Variants in GRIK2 observed in about 807,000 individuals in gnomAD.
GRIK2 encodes glutamate receptor ionotropic, kainate 2.
In GRIK2, 32 loss-of-function variants were observed where a neutral mutation model predicts 100.3. The observed-to-expected ratio is 0.32, with a 90% confidence interval of 0.24 to 0.43. The LOEUF (loss-of-function observed/expected upper bound fraction) is 0.43, where lower values mean the gene tolerates loss of function less well. GRIK2 is among the 20% of genes least tolerant of loss of function. The probability of loss-of-function intolerance (pLI) is 1.00; values close to 1 mark genes in which losing one functional copy is unlikely to be tolerated. For missense variants in GRIK2, 843 were observed against 1,114.9 expected, an observed-to-expected ratio of 0.76 and a Z score of 3.47; for synonymous variants, 417 against 389.4, an observed-to-expected ratio of 1.07 and a Z score of -0.83.
chr6:101,884,509 G>A (rs1786481644), intron 11 of GRIK2, among the ~76,000 whole-genome samples: 2 of 152,060 alleles, frequency 1.3e-5, no homozygotes, highest in South Asian at 2.1e-4. Context: ...TGGAGTCATT[G>A]TGCCATTCAT....
chr6:101,771,506 T>A (rs1051286710), intron 7 of GRIK2, among the ~76,000 whole-genome samples: 4 of 151,396 alleles, frequency 2.6e-5, no homozygotes, highest in Admixed American at 6.6e-5. Context: ...ATTTTTATTT[T>A]GTTTTATTTT....
intron 7 of GRIK2, among the ~76,000 whole-genome samples, chr6:101,796,379 A>G (rs991278457): frequency 6.6e-6 from 1 of 152,218 alleles, no homozygotes; most frequent in Non-Finnish European, 1.5e-5. Context: ...TTTTGTGAGC[A>G]TTCTTGTGAG....
chr6:101,502,543 G>C, intron 2 of GRIK2, among the ~76,000 whole-genome samples: 1 of 152,022 alleles, frequency 6.6e-6, no homozygotes, highest in East Asian at 1.9e-4. Context: ...ATTACATTAT[G>C]TAAAAGTATA....
intron 14 of GRIK2, among the ~76,000 whole-genome samples, chr6:101,956,182 C>A (rs1361883454): frequency 2.6e-5 from 4 of 151,920 alleles, no homozygotes; most frequent in Non-Finnish European, 5.9e-5. Flanking sequence ...TTCCATAAAT[C>A]TATTTCTTTC....
chr6:101,435,126 C>G (rs2128244374), intron 2 of GRIK2, among the ~76,000 whole-genome samples: 1 of 152,196 alleles, frequency 6.6e-6, no homozygotes, highest in Middle Eastern at 3.4e-3. Context: ...TTTTTGAGTG[C>G]TTTCATCCAG....
chr6:101,445,757 C>G (rs1770338815), intron 2 of GRIK2, among the ~76,000 whole-genome samples: 1 of 152,088 alleles, frequency 6.6e-6, no homozygotes, highest in Non-Finnish European at 1.5e-5. Flanking sequence ...CCACTTTTCC[C>G]ATCTGTAGTT....
At position 101,565,840 on chromosome 6, in the gene GRIK2, A is replaced by G. The variant is rs549797187; in HGVS notation, c.116-56109A>G. Among the ~76,000 whole-genome samples, 397 of 150,378 alleles carry G rather than the reference A, an allele frequency of 2.6e-3. 1 individual carries two copies. The highest frequency in any genetic ancestry group is 9.2e-3 in the African/African-American group (377 of 40,938). ...CAGAAGACTTAACAATAACATGAACAGTAGATTAACACATATTTTGTGTAT... is the reference window on the plus strand; with the variant it reads ...CAGAAGACTTAACAATAACATGAACGGTAGATTAACACATATTTTGTGTAT... On this transcript the variant is annotated intron_variant, in intron 2 of 16. Transcript: ENST00000369134.
rs185706396 is a variant in GRIK2, at chr6:101,663,660, A to G, written c.542-12963A>G. 1.6e-3 allele frequency among the ~76,000 whole-genome samples: 247 copies of G among 152,350 alleles called. 1 individual carries two copies. Among genetic ancestry groups the G allele is most frequent in the African/African-American group, 5.6e-3 (234 of 41,580 alleles). On this transcript the variant is annotated intron_variant, in intron 4 of 16. Transcript: ENST00000369134. ...AAATAAGAGTGACTGATTATAAACA[A>G]CCATTAAATCAAAATATTACCAAAT...
rs772692394 is a variant in GRIK2 at position 101,928,515 on chromosome 6, C to T, written c.1968C>T (p.Ala656=). 10 of 1,603,174 alleles carry T rather than the reference C, an allele frequency of 6.2e-6. No individual in the cohort carries two copies. The highest frequency in any genetic ancestry group is 2.2e-5 in the South Asian group (2 of 90,888). Residue 656 remains alanine (A), a synonymous_variant, in exon 14 of 17, where the codon GCC becomes GCT. Coordinates refer to ENST00000369134, the MANE Select transcript of GRIK2 (RefSeq NM_021956.5). ...TTTCTTCGTATACTGCTAACTTAGC[C>T]GCCTTTCTGACAGTGGAACGCATGG... ...IIISSYTANL[A]AFLTVERMES...
chr6:101,578,213 G>C (rs1321428457), intron 2 of GRIK2, among the ~76,000 whole-genome samples: 1 of 152,020 alleles, frequency 6.6e-6, no homozygotes, highest in African/African-American at 2.4e-5. Context: ...TCTTTTCCTG[G>C]CTAATATAAA....
At chr6:101,846,004 A>G (rs1327345332) in intron 10 of GRIK2, among the ~76,000 whole-genome samples, 4 of 146,706 alleles carry the variant, frequency 2.7e-5, no homozygotes, top group Non-Finnish European at 4.4e-5. Context: ...TTTAAACAGC[A>G]TTGTTTTTTT....
chr6:101,959,762 G>A (rs1792166701), intron 14 of GRIK2, among the ~76,000 whole-genome samples: 1 of 152,210 alleles, frequency 6.6e-6, no homozygotes, highest in South Asian at 2.1e-4. Flanking sequence ...GAAGTGATTA[G>A]ACACTTCTCT....
intron 2 of GRIK2, among the ~76,000 whole-genome samples, chr6:101,417,298 G>A (rs563711793): frequency 1.2e-4 from 18 of 152,288 alleles, no homozygotes; most frequent in African/African-American, 4.1e-4. Context: ...TTCAAGATGA[G>A]ATTTGGTTGG....
At chr6:101,715,223 GATAAA>G (rs773032034) in intron 7 of GRIK2, among the ~76,000 whole-genome samples, 2 of 151,734 alleles carry the variant, frequency 1.3e-5, no homozygotes, top group Non-Finnish European at 2.9e-5. Flanking sequence ...GCTAATTCAA[GATAAA>G]ATAATGTAAT....
At chr6:101,515,493 C>T (rs935263712) in intron 2 of GRIK2, among the ~76,000 whole-genome samples, 2 of 152,188 alleles carry the variant, frequency 1.3e-5, no homozygotes, top group Admixed American at 6.6e-5. Flanking sequence ...AAGCTCCACA[C>T]GGTTTTCTAT....
intron 2 of GRIK2, among the ~76,000 whole-genome samples, chr6:101,517,475 A>C (rs902661822): frequency 6.6e-6 from 1 of 152,172 alleles, no homozygotes; most frequent in Admixed American, 6.6e-5. Context: ...TAGACGATCA[A>C]GAATTTTTAC....
chr6:101,496,460 G>C (rs1773451367), intron 2 of GRIK2, among the ~76,000 whole-genome samples: 1 of 152,102 alleles, frequency 6.6e-6, no homozygotes, highest in Non-Finnish European at 1.5e-5. Context: ...GTAACTACTT[G>C]CTGGGATAGA....
chr6:101,786,615 CA>C (rs1222111810), intron 7 of GRIK2, among the ~76,000 whole-genome samples: 5 of 152,016 alleles, frequency 3.3e-5, no homozygotes, highest in Non-Finnish European at 7.4e-5. Flanking sequence ...CAGGTTGAAC[CA>C]TCCTTGAGCT....
intron 7 of GRIK2, among the ~76,000 whole-genome samples, chr6:101,716,907 C>A (rs1774115115): frequency 6.6e-6 from 1 of 151,784 alleles, no homozygotes; most frequent in African/African-American, 2.4e-5. Flanking sequence ...GTGCCCATTC[C>A]TCTACATACT....
Sources: allele counts gnomAD v4.1 joint callset (sites outside exome capture counted in the v4.1 genomes callset), GRCh38; gene constraint gnomAD v4.1.1; transcripts MANE v1.5; gene names NCBI Gene and HGNC (gene_info 2026-07-23, HGNC 2026-07-21).